Variants in SP140L observed in about 807,000 individuals in gnomAD.
SP140L encodes the protein nuclear body protein SP140-like protein.
A neutral mutation model predicts 84.3 loss-of-function variants in SP140L; 64 were observed. The ratio of observed to expected loss-of-function variants is 0.76; its 90% CI spans 0.62 to 0.94. The LOEUF (loss-of-function observed/expected upper bound fraction) is 0.94. SP140L is among the 40% of genes least tolerant of loss of function. The pLI is 0.00. For missense variants in SP140L, 628 were observed against 692.5 expected (o/e 0.91, Z 1.05); for synonymous variants, 242 against 236.9 (o/e 1.02, Z -0.20).
intron 15 of SP140L, chr2:230,400,577 G>T: frequency 2.1e-6 from 1 of 474,668 alleles, no homozygotes; most frequent in Non-Finnish European, 3.8e-6. Context: ...TATATTTTGT[G>T]CTTATTCATA....
At position 230,329,189 on chromosome 2, in the gene SP140L, C is replaced by T. The variant is rs116138688; in HGVS notation, c.107+358C>T. On this transcript the variant is annotated intron_variant, in intron 2 of 18. Coordinates refer to ENST00000415673, the MANE Select transcript of SP140L (RefSeq NM_138402.6). The stretch of plus-strand genomic sequence containing the variant: ...GAGTTGCTGAGGCACTCTGTGAGCA[C>T]GGCCAGTTTTTAAAGTCGTTCTTCT... Among the ~76,000 whole-genome samples, 1,099 of 152,302 alleles carry T rather than the reference C, an allele frequency of 7.2e-3. 12 individuals are homozygous for T. Among genetic ancestry groups the T allele is most frequent in the Middle Eastern group, 0.014 (4 of 294 alleles).
intron 11 of SP140L, 36 bp downstream of exon 11, chr2:230,390,059 A>T (rs2061737633): frequency 6.5e-7 from 1 of 1,530,388 alleles, no homozygotes; most frequent in Non-Finnish European, 9.0e-7. Flanking sequence ...TGCAGCTCCT[A>T]TCTGAAGGCA....
chr2:230,351,896 G>A (rs929344907), intron 2 of SP140L, among the ~76,000 whole-genome samples: 41 of 152,188 alleles, frequency 2.7e-4, no homozygotes, highest in African/African-American at 8.7e-4. Flanking sequence ...ATCCACCCGC[G>A]CCAGCGTCCC....
chr2:230,401,087 C>A (rs2062315680), intron 16 of SP140L, 24 bp downstream of exon 16: 7 of 1,015,966 alleles, frequency 6.9e-6, no homozygotes, highest in Non-Finnish European at 1.0e-5. Flanking sequence ...AAACCCCAAG[C>A]CTTCTCCTTT....
chr2:230,396,791 A>C lies in SP140L; in HGVS notation c.1190A>C (p.Asp397Ala). 2 of 1,613,990 alleles carry C rather than the reference A, an allele frequency of 1.2e-6. No individual in the cohort carries two copies. Among genetic ancestry groups the C allele is most frequent in the Non-Finnish European group, 1.7e-6 (2 of 1,179,898 alleles). The change falls in exon 14 of 19, where the codon GAC (aspartate) becomes GCC (alanine). Residue 397 changes from aspartate to alanine, a missense_variant. Transcript: ENST00000415673. ...AAGTCTCAAAACAATAGCTCAGTTG[A>C]CCCTTGTGTAAGTATAAATTCTGAA... ...ILKSQNNSSV[D>A]PCMRNLDECE... is the part of the protein sequence containing the mutation.
rs1339698568 is a variant in SP140L, at chr2:230,327,225, T to C, written c.-45T>C. 1.3e-6 allele frequency: 2 copies of C among 1,589,874 alleles called. No homozygotes were observed. The highest frequency in any genetic ancestry group is 2.3e-5 in the East Asian group (1 of 43,746). ...ACGCAGGCTGGGCCGACTGGGGAGCTCATAGGCCAGGCTCTGACACCCAGG... is the reference window on the plus strand; with the variant it reads ...ACGCAGGCTGGGCCGACTGGGGAGCCCATAGGCCAGGCTCTGACACCCAGG... On this transcript the variant is annotated 5_prime_UTR_variant, in exon 1 of 19. Transcript: ENST00000415673.
chr2:230,385,369 G>A lies in SP140L; in HGVS notation c.784+65G>A. The A allele has an allele frequency of 1.3e-6, 2 of 1,492,126 alleles. 1 individual carries two copies. Among genetic ancestry groups the A allele is most frequent in the East Asian group, 4.6e-5 (2 of 43,934 alleles). 92.4% of individuals were successfully genotyped at this position (1,492,126 alleles called of 1,614,324 possible). A position where few individuals can be genotyped will look rare whatever the true frequency, so the allele number is the denominator to read the frequency against. On this transcript the variant is annotated intron_variant, in intron 9 of 18. Coordinates refer to ENST00000415673, the MANE Select transcript of SP140L (RefSeq NM_138402.6). ...GTCAATGCACATGTTGAGGTTTTGA[G>A]GAGCCTAGAAGCTTTATTGTTTACT...
intron 2 of SP140L, among the ~76,000 whole-genome samples, chr2:230,338,801 T>C (rs1328660296): frequency 7.0e-6 from 1 of 142,814 alleles, no homozygotes; most frequent in Non-Finnish European, 1.5e-5. Flanking sequence ...ATTACATTTA[T>C]TGATTTGCGT....
At chr2:230,400,491 G>A (rs2062274391) in intron 15 of SP140L, 1 of 514,454 alleles carries the variant, frequency 1.9e-6, no homozygotes, top group African/African-American at 1.9e-5. Flanking sequence ...CCTACATACT[G>A]GTATTGTCCT....
At chr2:230,381,211 G>A (rs1055948337) in intron 7 of SP140L, among the ~76,000 whole-genome samples, 2 of 152,102 alleles carry the variant, frequency 1.3e-5, no homozygotes, top group Admixed American at 6.6e-5. Context: ...TAGCTGGAAC[G>A]TAAGCAACTC....
chr2:230,398,792 C>T (rs537895263), intron 14 of SP140L, among the ~76,000 whole-genome samples: 15 of 152,348 alleles, frequency 9.8e-5, no homozygotes, highest in African/African-American at 3.4e-4. Flanking sequence ...ATGGGGGCTG[C>T]GCTCAGGAAC....
chr2:230,395,861 C>A (rs1174829424), intron 13 of SP140L, among the ~76,000 whole-genome samples: 1 of 152,190 alleles, frequency 6.6e-6, no homozygotes, highest in East Asian at 1.9e-4. Context: ...GACAGTCAAC[C>A]TGACATCTTG....
At chr2:230,393,751 T>C (rs1463065583) in intron 13 of SP140L, among the ~76,000 whole-genome samples, 6 of 152,114 alleles carry the variant, frequency 3.9e-5, no homozygotes, top group Non-Finnish European at 8.8e-5. Context: ...GTTGTAAGAG[T>C]GTCAAAGTTG....
chr2:230,347,564 A>C (rs898478664), intron 2 of SP140L, among the ~76,000 whole-genome samples: 11 of 152,042 alleles, frequency 7.2e-5, no homozygotes, highest in African/African-American at 2.7e-4. Context: ...CTGTCCATGC[A>C]GGTCGCTGGC....
intron 2 of SP140L, among the ~76,000 whole-genome samples, chr2:230,355,770 ATTC>A (rs951687552): frequency 2.0e-5 from 3 of 152,270 alleles, no homozygotes; most frequent in Admixed American, 6.5e-5. Context: ...GGAGTGGCAA[ATTC>A]TTCTTAGTAC....
At chr2:230,396,656 G>T in intron 13 of SP140L, 101 bp from the exon 14 acceptor site, 1 of 1,385,850 alleles carries the variant, frequency 7.2e-7, no homozygotes, top group Admixed American at 2.1e-5. Flanking sequence ...TTTACAACTG[G>T]TTCCTGAATC....
At chr2:230,399,114 C>T (rs1005103743) in intron 14 of SP140L, among the ~76,000 whole-genome samples, 4 of 152,226 alleles carry the variant, frequency 2.6e-5, no homozygotes, top group Non-Finnish European at 4.4e-5. Flanking sequence ...CGGCAAAGGG[C>T]TCTGTCACAG....
At chr2:230,397,668 T>A (rs1298147164) in intron 14 of SP140L, among the ~76,000 whole-genome samples, 3 of 152,164 alleles carry the variant, frequency 2.0e-5, no homozygotes, top group African/African-American at 7.2e-5. Flanking sequence ...AGGACTCACA[T>A]AGAATATCAT....
At chr2:230,386,414 G>T (rs527906828) in intron 9 of SP140L, among the ~76,000 whole-genome samples, 3 of 152,168 alleles carry the variant, frequency 2.0e-5, no homozygotes, top group Non-Finnish European at 4.4e-5. Flanking sequence ...GAAAACAGGA[G>T]GAAATTGAAA....
Sources: gnomAD v4.1 joint callset for allele counts (sites outside exome capture counted in the v4.1 genomes callset) on GRCh38, gnomAD v4.1.1 for gene constraint, MANE v1.5 for transcripts, NCBI Gene and HGNC (gene_info 2026-07-23, HGNC 2026-07-21) for gene names.